The following KAZN variants were observed in gnomAD, a reference collection of about 807,000 sequenced individuals.
KAZN encodes kazrin, periplakin interacting protein.
In KAZN, 40 loss-of-function variants were observed where a neutral mutation model predicts 87.4. The ratio of observed to expected loss-of-function variants is 0.46; its 90% confidence interval spans 0.36 to 0.60. KAZN has a LOEUF of 0.60. Ranked by LOEUF, KAZN falls within the 20% of genes least tolerant of loss-of-function variation. The pLI is 0.00. For missense variants in KAZN, 898 were observed against 1,073.9 expected (o/e 0.84, Z 2.29); for synonymous variants, 466 against 458.3 (o/e 1.02, Z -0.22).
At chr1:14,309,787 G>C (rs930890211) in intron 2 of KAZN, among the ~76,000 whole-genome samples, 1 of 151,890 alleles carries the variant, frequency 6.6e-6, no homozygotes, top group African/African-American at 2.4e-5. Flanking sequence ...CCCCAGGCTG[G>C]TATTGAACTC....
intron 1 of KAZN, among the ~76,000 whole-genome samples, chr1:14,170,808 A>G (rs1312226852): frequency 3.3e-5 from 5 of 151,604 alleles, no homozygotes; most frequent in East Asian, 1.9e-4. Context: ...TGCAACCTCT[A>G]CCTCCTGGGT....
intron 2 of KAZN, among the ~76,000 whole-genome samples, chr1:14,313,901 G>C (rs1178990101): frequency 6.6e-6 from 1 of 151,238 alleles, no homozygotes; most frequent in East Asian, 1.9e-4. Context: ...CATAAATGTA[G>C]GAAAAAAAAT....
chr1:14,114,167 C>T (rs1004977786), intron 1 of KAZN, among the ~76,000 whole-genome samples: 5 of 152,170 alleles, frequency 3.3e-5, no homozygotes, highest in African/African-American at 7.2e-5. Context: ...ATCCCTGGAC[C>T]GATTCAGTGC....
intron 2 of KAZN, among the ~76,000 whole-genome samples, chr1:14,556,085 C>G (rs1673850427): frequency 1.3e-5 from 2 of 150,908 alleles, no homozygotes; most frequent in Non-Finnish European, 2.9e-5. Flanking sequence ...CTAGGAGGCT[C>G]TTTTCGGGAG....
intron 2 of KAZN, among the ~76,000 whole-genome samples, chr1:14,297,848 C>G (rs926768607): frequency 1.3e-5 from 2 of 152,198 alleles, no homozygotes; most frequent in Admixed American, 6.5e-5. Context: ...TGTGATGCCT[C>G]CCTGGGTTGG....
At chr1:14,417,619 G>T (rs1356790343) in intron 2 of KAZN, among the ~76,000 whole-genome samples, 2 of 152,140 alleles carry the variant, frequency 1.3e-5, no homozygotes, top group Non-Finnish European at 2.9e-5. Context: ...GTACGCACAG[G>T]CTGTACAAGG....
chr1:14,168,538 G>A (rs567643598), intron 1 of KAZN, among the ~76,000 whole-genome samples: 3 of 152,268 alleles, frequency 2.0e-5, no homozygotes, highest in Admixed American at 6.5e-5. Context: ...AGGATGTGGC[G>A]GGATTGACAA....
intron 2 of KAZN, among the ~76,000 whole-genome samples, chr1:14,450,666 TG>T (rs1667222871): frequency 2.0e-5 from 3 of 152,000 alleles, no homozygotes; most frequent in Admixed American, 2.0e-4. Context: ...GTGACGATGG[TG>T]GGGCGTGGGA....
chr1:14,072,942 A>G (rs762387700), intron 1 of KAZN, among the ~76,000 whole-genome samples: 1 of 152,132 alleles, frequency 6.6e-6, no homozygotes, highest in African/African-American at 2.4e-5. Context: ...TCTCGAGGCC[A>G]TTTACCTACT....
At chr1:14,883,231 G>A (rs917172916) in intron 1 of KAZN, among the ~76,000 whole-genome samples, 35 of 150,588 alleles carry the variant, frequency 2.3e-4, no homozygotes, top group Admixed American at 6.6e-5. Context: ...GGAGGCGGAG[G>A]TTGCGGTGAG....
intron 2 of KAZN, among the ~76,000 whole-genome samples, chr1:14,405,258 T>C (rs980659521): frequency 9.2e-5 from 14 of 152,200 alleles, no homozygotes; most frequent in Non-Finnish European, 8.8e-5. Flanking sequence ...ATACTTTGTA[T>C]TGGGTATGAG....
chr1:14,898,933 G>T (rs72638348), intron 1 of KAZN, among the ~76,000 whole-genome samples: 13,454 of 152,188 alleles, frequency 0.088, 776 homozygotes, highest in Admixed American at 0.19. Flanking sequence ...ATTGCCCCTT[G>T]CTCCCAGGAC....
chr1:14,450,422 C>T (rs1467660830), intron 2 of KAZN, among the ~76,000 whole-genome samples: 4 of 152,092 alleles, frequency 2.6e-5, no homozygotes, highest in South Asian at 2.1e-4. Flanking sequence ...AACCCCGTCT[C>T]TACTAAAAAT....
At chr1:14,684,975 T>C (rs751684332) in intron 1 of KAZN, among the ~76,000 whole-genome samples, 3 of 152,186 alleles carry the variant, frequency 2.0e-5, no homozygotes, top group Non-Finnish European at 2.9e-5. Flanking sequence ...ATTGTGTACA[T>C]GGTGACATTC....
chr1:14,422,604 G>GC (rs1244957174), intron 2 of KAZN, among the ~76,000 whole-genome samples: 1 of 152,212 alleles, frequency 6.6e-6, no homozygotes, highest in African/African-American at 2.4e-5. Context: ...TGGTGCAGCT[G>GC]CCCCCTGAAG....
At position 14,960,770 on chromosome 1, in the gene KAZN, G is replaced by T; in HGVS notation, c.313G>T (p.Glu105Ter). Reference sequence around the variant, plus strand: ...GGAGATGTTGGCGAAGGACCTGGAGGAGTCGCAGGGCGGCAAGTCCTCTGA... The same window carrying T: ...GGAGATGTTGGCGAAGGACCTGGAGTAGTCGCAGGGCGGCAAGTCCTCTGA... ...MKEMLAKDLE[E>*]SQGGKSSEVL... is the part of the protein sequence containing the mutation. Residue 105 changes from glutamate (E) to a stop codon, truncating the protein, a stop_gained, in exon 2 of 15, where the codon GAG becomes TAG. Coordinates refer to ENST00000376030, the MANE Select transcript of KAZN (RefSeq NM_201628.3). LOFTEE classifies it high-confidence loss of function. 6.2e-7 allele frequency: 1 copy of T among 1,608,540 alleles called. No individual in the cohort carries two copies.
chr1:14,070,411 A>G (rs1169807687), intron 1 of KAZN, among the ~76,000 whole-genome samples: 4 of 152,216 alleles, frequency 2.6e-5, no homozygotes, highest in Non-Finnish European at 4.4e-5. Flanking sequence ...CTAATCAGAA[A>G]GATATCAGAA....
At chr1:15,097,734 T>G (rs1366453000) in intron 10 of KAZN, among the ~76,000 whole-genome samples, 1 of 152,098 alleles carries the variant, frequency 6.6e-6, no homozygotes, top group Admixed American at 6.5e-5. Context: ...AGGAGAATTT[T>G]TTGAACCCAG....
chr1:14,715,040 C>G (rs987942564), intron 1 of KAZN, among the ~76,000 whole-genome samples: 1 of 151,724 alleles, frequency 6.6e-6, no homozygotes, highest in Non-Finnish European at 1.5e-5. Context: ...TAGCAATCCT[C>G]CCACCTCGGC....
Sources: allele counts gnomAD v4.1 joint callset (sites outside exome capture counted in the v4.1 genomes callset), GRCh38; gene constraint gnomAD v4.1.1; transcripts MANE v1.5; gene names NCBI Gene and HGNC (gene_info 2026-07-23, HGNC 2026-07-21).